Variants in ACTR8 observed in about 807,000 individuals in gnomAD.
The protein encoded by ACTR8 is actin-related protein 8.
A neutral mutation model predicts 84.3 loss-of-function variants in ACTR8; 70 were observed. The ratio of observed to expected loss-of-function variants is 0.83; its 90% CI spans 0.68 to 1.01. ACTR8 has a LOEUF of 1.01. ACTR8 is among the 50% of genes least tolerant of loss of function. ACTR8 has a pLI of 0.00. For missense variants in ACTR8, 672 were observed against 775.4 expected, an observed-to-expected ratio of 0.87 and a Z score of 1.58; for synonymous variants, 268 against 275.2, an observed-to-expected ratio of 0.97 and a Z score of 0.26.
chr3:53,861,671 T>C, the ACTR8 span: 1 of 152,316 alleles, frequency 6.6e-6, no homozygotes, highest in East Asian at 1.9e-4. Flanking sequence ...AAAGGATGGT[T>C]TGATAATTTT....
Position 53,872,542 on chromosome 3 carries a change from G to C in ACTR8, c.1162-18C>G. ...ATTGGAGCCTGTACATGAAGAAAAA[G>C]AGTGATCAACAAAAGATACTGCATC... On this transcript the variant is annotated intron_variant, in intron 9 of 12. Transcript: ENST00000335754. The C allele has an allele frequency of 6.4e-7, 1 of 1,564,176 alleles. No homozygotes were observed. The highest frequency in any genetic ancestry group is 8.6e-7 in the Non-Finnish European group (1 of 1,161,676).
chr3:53,874,078 C>G, intron 8 of ACTR8, 133 bp downstream of exon 8: 1 of 827,138 alleles, frequency 1.2e-6, no homozygotes, highest in Non-Finnish European at 1.7e-6. Context: ...CCCACCTCGG[C>G]CTCCCAAAGT....
rs762976722 is a variant in ACTR8, at chr3:53,871,371, T to A, written c.1428A>T (p.Ala476=). ...TGCCGGCCATCAGGCCATCTCCCTG[T>A]GCAGACCCCAAATCTACCTCCTGGG... ...LHSQEVDLGS[A]QGDGLMAGND... The change falls in exon 11 of 13, where the codon GCA becomes GCT. Residue 476 remains alanine, a synonymous_variant. Transcript: ENST00000335754. 1 of 1,614,110 alleles carries A rather than the reference T, an allele frequency of 6.2e-7. No individual in the cohort carries two copies. The highest frequency in any genetic ancestry group is 2.2e-5 in the East Asian group (1 of 44,902).
In ACTR8 at chr3:53,870,219, T is replaced by G; in HGVS notation, c.1568-74A>C. 21 of 1,545,354 alleles carry G rather than the reference T, an allele frequency of 1.4e-5. No individual in the cohort carries two copies. Among genetic ancestry groups the G allele is most frequent in the Non-Finnish European group, 1.7e-5 (19 of 1,135,318 alleles). On this transcript the variant is annotated intron_variant, in intron 11 of 12. Transcript: ENST00000335754. This position sits in a 1 kb window ranked among gnomAD's most constrained non-coding sequence, Gnocchi z 4.1. The stretch of plus-strand genomic sequence containing the variant: ...TTCTAGGCCAAGCCACCAACACCTC[T>G]TGCTTGAGCAAGTGCAATAGCCTTC...
intron 7 of ACTR8, among the ~76,000 whole-genome samples, chr3:53,874,683 G>A (rs1187832652): frequency 3.3e-5 from 5 of 151,680 alleles, no homozygotes; most frequent in Non-Finnish European, 7.4e-5. Flanking sequence ...AAGAGGTCAC[G>A]CCACTGCACT....
rs1699834125 is a variant in ACTR8, at chr3:53,868,707, T to G, written c.*12A>C. The G allele has an allele frequency of 6.2e-7, 1 of 1,613,046 alleles. No homozygotes were observed. ...TTGTTTTTGGTCTTCGGCAGTGACA[T>G]TTCCTCCCCATTCACCACACAAACG... On this transcript the variant is annotated 3_prime_UTR_variant, in exon 13 of 13. Coordinates refer to ENST00000335754, the MANE Select transcript of ACTR8 (RefSeq NM_022899.5).
At chr3:53,877,551 G>A (rs758238091) in intron 4 of ACTR8, 96 bp downstream of exon 4, 241 of 1,369,026 alleles carry the variant, frequency 1.8e-4, no homozygotes, top group South Asian at 5.8e-4. Flanking sequence ...GTTATAGAAC[G>A]CTAGGAAACA....
Position 53,877,318 on chromosome 3 carries a change from G to C in ACTR8, c.580C>G (p.His194Asp), listed in dbSNP as rs1195062742. 7 of 1,614,050 alleles carry C rather than the reference G, an allele frequency of 4.3e-6. No individual in the cohort carries two copies. Among genetic ancestry groups the C allele is most frequent in the Non-Finnish European group, 5.9e-6 (7 of 1,179,908 alleles). ...WPIRRGQLNI[H>D]PGPGGSLTAV... ...GTAAGAGAGCCCCCAGGGCCTGGGT[G>C]AATATTTAACTGACCTCTTCTGATA... is the stretch of plus-strand genomic sequence containing the variant. The change falls in exon 5 of 13, where the codon CAC becomes GAC. Residue 194 changes from histidine to aspartate, a missense_variant. Physicochemically the swap from His to Asp is moderately conservative, Grantham distance 81. Transcript: ENST00000335754.
At chr3:53,869,070 A>G (rs889687925) in intron 12 of ACTR8, among the ~76,000 whole-genome samples, 2 of 152,240 alleles carry the variant, frequency 1.3e-5, no homozygotes, top group Admixed American at 6.5e-5. Flanking sequence ...TCACGAGATC[A>G]GGAGATCAAG....
chr3:53,870,086 TC>T lies in ACTR8; in HGVS notation c.1626del (p.Met543CysfsTer30). On this transcript the variant is annotated frameshift_variant, in exon 12 of 13. Coordinates refer to ENST00000335754, the MANE Select transcript of ACTR8 (RefSeq NM_022899.5). LOFTEE classifies it high-confidence loss of function. This position sits in a 1 kb window ranked among gnomAD's most constrained non-coding sequence, Gnocchi z 4.1. ...YSSILVVGGG[L>X]MFHKAQEFLQ... is the part of the protein sequence containing the mutation. ...AGAAATTCTTGAGCTTTATGAAACA[TC>T]AAACCACCTCCCACCACTAGGATGG... is the stretch of plus-strand genomic sequence containing the variant. 1 of 1,614,200 alleles carries T rather than the reference TC, an allele frequency of 6.2e-7. No individual in the cohort carries two copies. Among genetic ancestry groups the T allele is most frequent in the Non-Finnish European group, 8.5e-7 (1 of 1,180,024 alleles).
intron 1 of ACTR8, chr3:53,881,677 TA>T (rs1700062437): frequency 2.0e-6 from 1 of 491,410 alleles, no homozygotes; most frequent in Non-Finnish European, 3.7e-6. Flanking sequence ...GTGGTCGTTT[TA>T]TGGTCGGGGA....
intron 11 of ACTR8, 94 bp downstream of exon 11, chr3:53,871,138 T>A: frequency 6.7e-7 from 1 of 1,487,458 alleles, no homozygotes; most frequent in South Asian, 1.3e-5. Context: ...TCAATGAATA[T>A]GTTATACTGC....
intron 2 of ACTR8, among the ~76,000 whole-genome samples, chr3:53,878,686 T>C (rs933778659): frequency 2.0e-5 from 3 of 152,098 alleles, no homozygotes; most frequent in Admixed American, 6.6e-5. Context: ...TAGCTGGGTG[T>C]GGTGGCACAG....
In ACTR8 at chr3:53,871,211, G is replaced by C. The variant is rs199774315; in HGVS notation, c.1567+21C>G. 3.8e-6 allele frequency: 6 copies of C among 1,599,124 alleles called. No homozygotes were observed. In the South Asian group the frequency reaches 4.4e-5, roughly 12 times the overall value. ...CTATCTTGTTTCACTGCTATCTCCC[G>C]GTCTCCCCAGATGTGCTTACAACAG... On this transcript the variant is annotated intron_variant, in intron 11 of 12. Transcript: ENST00000335754.
rs995568603 is a variant in ACTR8 at position 53,868,015 on chromosome 3, T to A, written c.*704A>T. The A allele has an allele frequency of 3.7e-4, 57 of 152,328 alleles. No individual in the cohort carries two copies. The highest frequency in any genetic ancestry group is 1.2e-3 in the African/African-American group (51 of 41,582). The allele number at this position is 152,328 out of a possible 1,614,324, so 9.4% of individuals were successfully genotyped here. ...GCTTTAGGAAAAAAACAAGATTTCC[T>A]TTTCAGCATTTGTTCTGTTTTGGCC... On this transcript the variant is annotated 3_prime_UTR_variant, in exon 13 of 13. Transcript: ENST00000335754.
At chr3:53,865,371 G>C (rs754664754), downstream of ACTR8, 1 of 1,310,798 alleles carries the variant, frequency 7.6e-7, no homozygotes, top group Non-Finnish European at 1.0e-6. Flanking sequence ...GGGAAAAAAC[G>C]TGTGATGATC....
At chr3:53,872,285 T>C (rs1699894117) in intron 10 of ACTR8, 99 bp downstream of exon 10, 1 of 1,283,568 alleles carries the variant, frequency 7.8e-7, no homozygotes, top group Admixed American at 2.8e-5. Context: ...AGTGTTATTA[T>C]GCTGGAAGAT....
chr3:53,874,460 C>T lies in ACTR8; in HGVS notation c.912-96G>A, dbSNP rs1048534703. On this transcript the variant is annotated intron_variant, in intron 7 of 12. Transcript: ENST00000335754. ...CCATTAATGGCTGGGCATGGTGGTT[C>T]CTGCCTGTAATCCCAGCACTTTGGG... is the stretch of plus-strand genomic sequence containing the variant. 1.0e-5 allele frequency: 14 copies of T among 1,347,380 alleles called. 1 individual carries two copies. The highest frequency in any genetic ancestry group is 1.9e-4 in the Middle Eastern group (1 of 5,310). 83.5% of individuals were successfully genotyped at this position (1,347,380 alleles called of 1,614,324 possible).
At chr3:53,863,528 C>A (rs1699648941), downstream of ACTR8, among the ~76,000 whole-genome samples, 1 of 152,180 alleles carries the variant, frequency 6.6e-6, no homozygotes, top group Non-Finnish European at 1.5e-5. Flanking sequence ...GCACCTGGAC[C>A]TCAGGAATTC....
Sources: gnomAD v4.1 joint callset for allele counts (sites outside exome capture counted in the v4.1 genomes callset) on GRCh38, gnomAD v4.1.1 for gene constraint, Gnocchi (gnomAD v3.1) non-coding constraint, MANE v1.5 for transcripts, NCBI Gene and HGNC (gene_info 2026-07-23, HGNC 2026-07-21) for gene names.